Variants in RNF38 observed in about 807,000 individuals in gnomAD.
RNF38 encodes the protein E3 ubiquitin-protein ligase RNF38.
In RNF38, 15 loss-of-function variants were observed where a neutral mutation model predicts 67.2. The observed-to-expected ratio is 0.22, with a 90% CI of 0.15 to 0.34. The LOEUF is 0.34. Ranked by LOEUF, RNF38 falls within the 10% of genes least tolerant of loss-of-function variation. The probability of loss-of-function intolerance (pLI) is 1.00; values close to 1 mark genes in which losing one functional copy is unlikely to be tolerated. For missense variants in RNF38, 524 were observed against 639.9 expected (o/e 0.82, Z 1.95); for synonymous variants, 220 against 218.8 (o/e 1.01, Z -0.05).
At chr9:36,392,360 C>T (rs1837178311) in intron 1 of RNF38, among the ~76,000 whole-genome samples, 2 of 152,162 alleles carry the variant, frequency 1.3e-5, no homozygotes, top group Admixed American at 6.5e-5. Context: ...AATGTGCTAT[C>T]CTTTACCATT....
In RNF38 at chr9:36,344,973, C is replaced by A. The variant is rs2133374698; in HGVS notation, c.1264-20G>T. ...CAGGGCCTGCAGCGGTAAAAGACGA[C>A]ATATTTTCATCTATCTTTACATTTT... On this transcript the variant is annotated intron_variant, in intron 9 of 11. Transcript: ENST00000259605. 6.3e-7 allele frequency: 1 copy of A among 1,594,568 alleles called. No homozygotes were observed. Among genetic ancestry groups the A allele is most frequent in the Non-Finnish European group, 8.5e-7 (1 of 1,170,340 alleles).
chr9:36,384,302 T>C (rs1249754836), intron 2 of RNF38, among the ~76,000 whole-genome samples: 3 of 152,120 alleles, frequency 2.0e-5, no homozygotes, highest in South Asian at 2.1e-4. Flanking sequence ...AAGAGATCCT[T>C]TGAGAGATAC....
At chr9:36,404,804 G>A (rs1259947349), upstream of RNF38, among the ~76,000 whole-genome samples, 1 of 151,836 alleles carries the variant, frequency 6.6e-6, no homozygotes, top group African/African-American at 2.4e-5. Flanking sequence ...TCATTTTCTT[G>A]TCTTAGTGCA....
chr9:36,352,580 C>A (rs1453132068), intron 8 of RNF38, among the ~76,000 whole-genome samples, 162 bp downstream of exon 8: 1 of 152,122 alleles, frequency 6.6e-6, no homozygotes, highest in African/African-American at 2.4e-5. Flanking sequence ...TGTTACTGTT[C>A]TTTCTTTCAG....
At chr9:36,400,820 T>A, upstream of RNF38, 1 of 984,150 alleles carries the variant, frequency 1.0e-6, no homozygotes, top group South Asian at 4.7e-5. Flanking sequence ...CTCCATCCTC[T>A]CCGCCCCCAC....
chr9:36,471,412 CAT>C (rs1205791953), intron 1 of RNF38, among the ~76,000 whole-genome samples: 3 of 152,168 alleles, frequency 2.0e-5, no homozygotes, highest in Non-Finnish European at 2.9e-5. Context: ...CAAAAGGAAA[CAT>C]GTTTACATCT....
chr9:36,370,488 G>A (rs574508409), intron 3 of RNF38, among the ~76,000 whole-genome samples: 1 of 152,070 alleles, frequency 6.6e-6, no homozygotes, highest in South Asian at 2.1e-4. Flanking sequence ...GTAAACACGC[G>A]ATGAATATGA....
intron 1 of RNF38, among the ~76,000 whole-genome samples, chr9:36,391,589 A>AAAAAC (rs969298047): frequency 1.3e-5 from 2 of 151,978 alleles, no homozygotes; most frequent in Admixed American, 1.3e-4. Flanking sequence ...GCATTAAACC[A>AAAAAC]AAAACAAAGG....
At chr9:36,419,392 C>A (rs1838560099) in intron 2 of RNF38, among the ~76,000 whole-genome samples, 1 of 152,152 alleles carries the variant, frequency 6.6e-6, no homozygotes, top group Non-Finnish European at 1.5e-5. Context: ...AGAAAGACTC[C>A]TGCTCTGAAT....
At chr9:36,479,766 G>C (rs1318913067) in intron 1 of RNF38, among the ~76,000 whole-genome samples, 1 of 151,928 alleles carries the variant, frequency 6.6e-6, no homozygotes, top group Non-Finnish European at 1.5e-5. Flanking sequence ...GTTTTAATAA[G>C]ATAGCACAAA....
intron 1 of RNF38, among the ~76,000 whole-genome samples, chr9:36,393,509 GTGTGTGTGTGT>G: frequency 6.7e-6 from 1 of 148,958 alleles, no homozygotes; most frequent in African/African-American, 2.5e-5. Context: ...GTGTGTGTGT[GTGTGTGTGTGT>G]GTGGGGCAGG....
At position 36,337,810 on chromosome 9, in the gene RNF38, C is replaced by T. The variant is rs1832560300; in HGVS notation, c.*1942G>A. ...TGTGCATTAACCATGTGCATTTTTA[C>T]CACTATTTAGAAGTATTTCTGATGC... On this transcript the variant is annotated 3_prime_UTR_variant, in exon 12 of 12. Transcript: ENST00000259605. 1 of 152,548 alleles carries T rather than the reference C, an allele frequency of 6.6e-6. No individual in the cohort carries two copies. Among genetic ancestry groups the T allele is most frequent in the East Asian group, 1.9e-4 (1 of 5,196 alleles). The allele number at this position is 152,548 out of a possible 1,614,324, so 9.4% of individuals were successfully genotyped here.
chr9:36,397,011 A>ATG (rs55737922), intron 1 of RNF38, among the ~76,000 whole-genome samples: 2 of 148,854 alleles, frequency 1.3e-5, no homozygotes, highest in African/African-American at 4.9e-5. Flanking sequence ...TGCTTTATAT[A>ATG]TGTGTGTGTG....
At position 36,462,577 on chromosome 9, in the gene RNF38, G is replaced by A. The variant is rs190202578; in HGVS notation, n.241+24731C>T. 4.7e-3 allele frequency among the ~76,000 whole-genome samples: 709 copies of A among 152,194 alleles called. 6 individuals carry two copies. The highest frequency in any genetic ancestry group is 4.9e-3 in the Non-Finnish European group (330 of 68,006). On this transcript the variant is annotated intron_variant and non_coding_transcript_variant, in intron 1 of 3. Coordinates refer to the RNF38 transcript ENST00000488058. ...TGGAATACAGCAAGCACACTTTTGCGTCAGGGCTTCTGCACTTAAAACAGC... is the reference window on the plus strand; with the variant it reads ...TGGAATACAGCAAGCACACTTTTGCATCAGGGCTTCTGCACTTAAAACAGC...
chr9:36,464,194 C>CA (rs1839806147), intron 1 of RNF38, among the ~76,000 whole-genome samples: 1 of 151,670 alleles, frequency 6.6e-6, no homozygotes, highest in African/African-American at 2.4e-5. Flanking sequence ...AAAAACCACA[C>CA]AAAAAAAATT....
At chr9:36,428,869 C>T (rs951370276) in intron 1 of RNF38, among the ~76,000 whole-genome samples, 1 of 152,118 alleles carries the variant, frequency 6.6e-6, no homozygotes, top group African/African-American at 2.4e-5. Flanking sequence ...CAAGCAAGGC[C>T]CCTAGCTCCA....
At chr9:36,371,002 T>C (rs1222033075) in intron 3 of RNF38, among the ~76,000 whole-genome samples, 1 of 152,212 alleles carries the variant, frequency 6.6e-6, no homozygotes, top group Non-Finnish European at 1.5e-5. Context: ...AAAAATTTTA[T>C]TGTGACTAAA....
At chr9:36,384,410 CAT>C (rs1419591810) in intron 2 of RNF38, among the ~76,000 whole-genome samples, 2 of 152,110 alleles carry the variant, frequency 1.3e-5, no homozygotes, top group African/African-American at 4.8e-5. Context: ...AAGCTGCAGA[CAT>C]AGACAAAATT....
intron 1 of RNF38, among the ~76,000 whole-genome samples, chr9:36,449,143 C>T (rs956886027): frequency 7.2e-5 from 11 of 152,170 alleles, no homozygotes; most frequent in African/African-American, 2.4e-4. Context: ...TTCTGTATCA[C>T]CATTTACACA....
Sources: allele counts gnomAD v4.1 joint callset (sites outside exome capture counted in the v4.1 genomes callset), GRCh38; gene constraint gnomAD v4.1.1; transcripts MANE v1.5; gene names NCBI Gene and HGNC (gene_info 2026-07-23, HGNC 2026-07-21).